Variants in CCNY observed in about 807,000 individuals in gnomAD.
The protein encoded by CCNY is cyclin-Y.
In CCNY, 19 loss-of-function variants were observed where a neutral mutation model predicts 42.8. That is an observed-to-expected ratio of 0.44 (90% CI 0.31 to 0.65). The LOEUF is 0.65. Among genes scored for constraint, CCNY ranks in the 30% least tolerant of loss-of-function variants. CCNY has a pLI of 0.07. For missense variants in CCNY, 370 were observed against 437.3 expected (o/e 0.85, Z 1.37); for synonymous variants, 165 against 162.7 (o/e 1.01, Z -0.11).
intron 2 of CCNY, among the ~76,000 whole-genome samples, chr10:35,501,263 C>G (rs907755320): frequency 6.6e-6 from 1 of 152,140 alleles, no homozygotes; most frequent in Non-Finnish European, 1.5e-5. Flanking sequence ...TTGATTTCAG[C>G]TGCAGTTATT....
intron 1 of CCNY, among the ~76,000 whole-genome samples, chr10:35,362,976 C>T (rs967850478): frequency 1.3e-5 from 2 of 151,964 alleles, no homozygotes; most frequent in African/African-American, 4.8e-5. Context: ...CCTCACTTCC[C>T]AGACAGGGCG....
chr10:35,516,175 A>C (rs1012233899), intron 3 of CCNY, among the ~76,000 whole-genome samples: 7 of 152,190 alleles, frequency 4.6e-5, no homozygotes, highest in Admixed American at 1.3e-4. Flanking sequence ...TCTAAATTGC[A>C]GGCTTTTGTT....
chr10:35,530,120 C>G lies in CCNY; in HGVS notation c.460-4C>G. 3.7e-6 allele frequency: 6 copies of G among 1,614,096 alleles called. No homozygotes were observed. The highest frequency in any genetic ancestry group is 5.1e-6 in the Non-Finnish European group (6 of 1,179,998). On this transcript the variant is annotated splice_region_variant and splice_polypyrimidine_tract_variant and intron_variant, in intron 6 of 9. Coordinates refer to ENST00000374704, the MANE Select transcript of CCNY (RefSeq NM_145012.6). The surrounding 1 kb of genome is among the most constrained non-coding windows in gnomAD (Gnocchi z 4.3). ...CAGTCATCTGAAAATATTTTCTTCC[C>G]CAGAAATCCGAAGTGCCACCAGATT... is the stretch of plus-strand genomic sequence containing the variant.
At chr10:35,413,838 G>T (rs1837965707) in intron 1 of CCNY, among the ~76,000 whole-genome samples, 1 of 152,116 alleles carries the variant, frequency 6.6e-6, no homozygotes, top group South Asian at 2.1e-4. Flanking sequence ...GAGATTTGGA[G>T]GCTCAACTTT....
intron 1 of CCNY, among the ~76,000 whole-genome samples, chr10:35,344,170 T>G (rs1836248231): frequency 6.6e-6 from 1 of 152,230 alleles, no homozygotes. Flanking sequence ...TTCTAGCCTG[T>G]CTTTCCTGAA....
intron 1 of CCNY, among the ~76,000 whole-genome samples, chr10:35,359,376 T>G (rs1384603968): frequency 6.6e-6 from 1 of 152,238 alleles, no homozygotes; most frequent in Non-Finnish European, 1.5e-5. Context: ...TTGGAGCCAC[T>G]GGACTGTGGC....
chr10:35,363,311 G>C lies in CCNY; in HGVS notation c.154+26104G>C, dbSNP rs1031824297. ...CTCCTCACTTCCCAGACGGTTGGGG[G>C]GCCGGGCAGAGGCGCTCCTCTCTTC... On this transcript the variant is annotated intron_variant, in intron 1 of 9. Transcript: ENST00000374704. Among the ~76,000 whole-genome samples the C allele has an allele frequency of 2.0e-5, 3 of 148,454 alleles. No homozygotes were observed. The East Asian group carries it at 6.0e-4, about 30-fold the overall frequency.
chr10:35,442,910 A>C (rs767714933), intron 1 of CCNY, among the ~76,000 whole-genome samples: 59 of 152,232 alleles, frequency 3.9e-4, no homozygotes, highest in Admixed American at 5.2e-4. Flanking sequence ...CCTACTACAC[A>C]TGTAGGCTGC....
chr10:35,279,807 A>G (rs1051691543), intron 3 of CCNY, among the ~76,000 whole-genome samples: 8 of 152,228 alleles, frequency 5.3e-5, no homozygotes, highest in African/African-American at 1.9e-4. Flanking sequence ...GCCTGCCAGG[A>G]AAAGCCTGTG....
intron 1 of CCNY, among the ~76,000 whole-genome samples, chr10:35,442,181 G>GCCAAACT (rs1838685493): frequency 6.6e-6 from 1 of 152,202 alleles, no homozygotes; most frequent in African/African-American, 2.4e-5. Context: ...GATGTGTAGG[G>GCCAAACT]CCCTGTTTGC....
Position 35,489,536 on chromosome 10 carries a change from A to C in CCNY, c.229+6058A>C, listed in dbSNP as rs181887263. On this transcript the variant is annotated intron_variant, in intron 2 of 9. Coordinates refer to ENST00000374704, the MANE Select transcript of CCNY (RefSeq NM_145012.6). ...AGGGTGGTCTCGATCTTCTGACCTC[A>C]TGAGCCACTGCACCCAGCCAAGCCT... Among the ~76,000 whole-genome samples, 1,034 of 152,246 alleles carry C rather than the reference A, an allele frequency of 6.8e-3. 11 individuals are homozygous for C. Among genetic ancestry groups the C allele is most frequent in the African/African-American group, 0.024 (988 of 41,542 alleles).
At chr10:35,312,943 T>C (rs1339693537) in intron 3 of CCNY, among the ~76,000 whole-genome samples, 1 of 151,968 alleles carries the variant, frequency 6.6e-6, no homozygotes, top group Non-Finnish European at 1.5e-5. Flanking sequence ...CTCTTAGGCT[T>C]TTTCCTATCA....
intron 1 of CCNY, among the ~76,000 whole-genome samples, chr10:35,344,691 C>T (rs1836260847): frequency 6.6e-6 from 1 of 152,116 alleles, no homozygotes; most frequent in Non-Finnish European, 1.5e-5. Flanking sequence ...CGTCATTTAA[C>T]ATTAGGTATA....
At chr10:35,312,747 C>CTTTTTTTTTTT (rs10688043) in intron 3 of CCNY, among the ~76,000 whole-genome samples, 3 of 112,156 alleles carry the variant, frequency 2.7e-5, no homozygotes, top group Admixed American at 1.1e-4. Flanking sequence ...TTCCTTTTTA[C>CTTTTTTTTTTT]TTTTTTTTTT....
At chr10:35,392,547 T>A (rs1280229348) in intron 1 of CCNY, among the ~76,000 whole-genome samples, 2 of 152,206 alleles carry the variant, frequency 1.3e-5, no homozygotes, top group African/African-American at 4.8e-5. Flanking sequence ...GAACCAGATC[T>A]TGAAGGGAGT....
intron 1 of CCNY, among the ~76,000 whole-genome samples, chr10:35,385,157 T>C (rs572699684): frequency 6.6e-6 from 1 of 152,340 alleles, no homozygotes; most frequent in South Asian, 2.1e-4. Context: ...TAGTGGCTCA[T>C]AATCTGGTTA....
intron 3 of CCNY, among the ~76,000 whole-genome samples, chr10:35,317,749 G>A (rs933981714): frequency 2.6e-5 from 4 of 152,200 alleles, no homozygotes; most frequent in Admixed American, 2.6e-4. Context: ...GGGGACGTGG[G>A]GAATGGTGAT....
intron 1 of CCNY, among the ~76,000 whole-genome samples, chr10:35,442,150 C>T (rs1264810806): frequency 6.6e-6 from 1 of 152,216 alleles, no homozygotes; most frequent in Non-Finnish European, 1.5e-5. Context: ...GCATGACCCA[C>T]AGAGTGTTGC....
At chr10:35,325,999 C>G (rs1835876031) in intron 3 of CCNY, among the ~76,000 whole-genome samples, 1 of 152,042 alleles carries the variant, frequency 6.6e-6, no homozygotes, top group African/African-American at 2.4e-5. Context: ...TCGCTTGAGC[C>G]CAGGAGTTCA....
Sources: allele counts gnomAD v4.1 joint callset (sites outside exome capture counted in the v4.1 genomes callset), GRCh38; gene constraint gnomAD v4.1.1; non-coding constraint Gnocchi (gnomAD v3.1); transcripts MANE v1.5; gene names NCBI Gene and HGNC (gene_info 2026-07-23, HGNC 2026-07-21).